ADGRL4: variants seen among roughly 807,000 people sequenced by gnomAD.
ADGRL4 encodes EGF, latrophilin and seven transmembrane domain containing 1.
A neutral mutation model predicts 74.8 loss-of-function variants in ADGRL4; 90 were observed. The ratio of observed to expected loss-of-function variants is 1.20; its 90% CI spans 1.02 to 1.43. The LOEUF (loss-of-function observed/expected upper bound fraction) is 1.43, where lower values mean the gene tolerates loss of function less well. Among genes scored for constraint, ADGRL4 ranks in the 40% most tolerant of loss-of-function variants. The probability of loss-of-function intolerance (pLI) is 0.00; values close to 1 mark genes in which losing one functional copy is unlikely to be tolerated. For missense variants in ADGRL4, 881 were observed against 814.3 expected, an observed-to-expected ratio of 1.08 and a Z score of -1.00; for synonymous variants, 311 against 279.2, an observed-to-expected ratio of 1.11 and a Z score of -1.14.
chr1:78,985,742 T>G (rs541170253), intron 2 of ADGRL4, among the ~76,000 whole-genome samples: 79 of 151,776 alleles, frequency 5.2e-4, no homozygotes, highest in Non-Finnish European at 9.4e-4. Flanking sequence ...CATAGCACTA[T>G]TCACAACAAT....
intron 2 of ADGRL4, among the ~76,000 whole-genome samples, chr1:79,003,137 G>A (rs1650877638): frequency 2.0e-5 from 3 of 152,036 alleles, no homozygotes; most frequent in Admixed American, 1.3e-4. Context: ...GATAGGAAAG[G>A]TGAGGAATCT....
intron 2 of ADGRL4, among the ~76,000 whole-genome samples, chr1:78,960,745 C>T (rs954074148): frequency 4.6e-5 from 7 of 152,076 alleles, no homozygotes; most frequent in African/African-American, 1.7e-4. Context: ...AGTGCCCTTA[C>T]AAAAGAGGCT....
At chr1:78,960,862 T>C (rs1649937711) in intron 2 of ADGRL4, among the ~76,000 whole-genome samples, 2 of 152,208 alleles carry the variant, frequency 1.3e-5, no homozygotes, top group South Asian at 4.1e-4. Flanking sequence ...TCGTAGACTT[T>C]ACAGCTTCTG....
At chr1:78,919,040 C>A (rs1048924586) in intron 10 of ADGRL4, among the ~76,000 whole-genome samples, 1 of 151,808 alleles carries the variant, frequency 6.6e-6, no homozygotes, top group Non-Finnish European at 1.5e-5. Flanking sequence ...GTGGGAGATA[C>A]ATAAAATTGA....
chr1:78,987,285 T>C (rs953955368), intron 2 of ADGRL4, among the ~76,000 whole-genome samples: 16 of 151,844 alleles, frequency 1.1e-4, no homozygotes, highest in Non-Finnish European at 5.9e-5. Context: ...GGAAACGCAC[T>C]CCAAAGTGTG....
chr1:78,966,360 T>G (rs924533646), intron 2 of ADGRL4, among the ~76,000 whole-genome samples: 2 of 152,158 alleles, frequency 1.3e-5, no homozygotes, highest in Admixed American at 6.5e-5. Flanking sequence ...CTTCAAAGTG[T>G]CTGCAAACTT....
At chr1:78,987,453 C>T (rs1219626046) in intron 2 of ADGRL4, among the ~76,000 whole-genome samples, 1 of 151,586 alleles carries the variant, frequency 6.6e-6, no homozygotes, top group Non-Finnish European at 1.5e-5. Flanking sequence ...AAATAATTTT[C>T]ATGAATCAGG....
In ADGRL4 at chr1:78,973,033, G is replaced by A. The variant is rs112057437; in HGVS notation, c.173-26607C>T. Among the ~76,000 whole-genome samples the A allele has an allele frequency of 1.2e-4, 18 of 152,258 alleles. 1 individual carries two copies. The highest frequency in any genetic ancestry group is 4.3e-4 in the African/African-American group (18 of 41,552). ...GCCAGACAGGTGGTACCCTTAGGCTGTTAGCATTAGCATTTTCTCTCAAAT... is the reference window on the plus strand; with the variant it reads ...GCCAGACAGGTGGTACCCTTAGGCTATTAGCATTAGCATTTTCTCTCAAAT... On this transcript the variant is annotated intron_variant, in intron 2 of 14. Transcript: ENST00000370742.
At chr1:78,976,621 A>G (rs1425078856) in intron 2 of ADGRL4, among the ~76,000 whole-genome samples, 4 of 151,674 alleles carry the variant, frequency 2.6e-5, no homozygotes, top group Non-Finnish European at 5.9e-5. Context: ...TGTGTATGGA[A>G]AAACTTAAAA....
At chr1:78,899,238 C>A (rs944910722) in intron 12 of ADGRL4, among the ~76,000 whole-genome samples, 2 of 152,222 alleles carry the variant, frequency 1.3e-5, no homozygotes, top group Non-Finnish European at 2.9e-5. Flanking sequence ...TGGCCTAGGA[C>A]AGACCTGCTT....
chr1:78,964,843 T>C (rs1650021900), intron 2 of ADGRL4, among the ~76,000 whole-genome samples: 1 of 152,180 alleles, frequency 6.6e-6, no homozygotes, highest in Non-Finnish European at 1.5e-5. Context: ...GTTGTTTCTT[T>C]CAAACATCCA....
chr1:78,974,915 T>A (rs1168340630), intron 2 of ADGRL4, among the ~76,000 whole-genome samples: 1 of 152,174 alleles, frequency 6.6e-6, no homozygotes, highest in Non-Finnish European at 1.5e-5. Flanking sequence ...TAGAGAATAT[T>A]ATTTCCCTCT....
chr1:78,995,950 T>TG (rs1309503033), intron 2 of ADGRL4, among the ~76,000 whole-genome samples: 2 of 152,220 alleles, frequency 1.3e-5, no homozygotes, highest in African/African-American at 4.8e-5. Context: ...TTTGTAACGA[T>TG]GGGTTTTGGT....
At chr1:78,897,048 A>T (rs562304181) in intron 12 of ADGRL4, among the ~76,000 whole-genome samples, 2 of 152,198 alleles carry the variant, frequency 1.3e-5, no homozygotes, top group Non-Finnish European at 2.9e-5. Context: ...TATTAAAAAA[A>T]CTGAAACTCA....
intron 2 of ADGRL4, among the ~76,000 whole-genome samples, chr1:78,957,489 A>C (rs934088681): frequency 6.6e-6 from 1 of 152,210 alleles, no homozygotes; most frequent in Admixed American, 6.6e-5. Flanking sequence ...TGATACGGTG[A>C]AAGTTTTAGT....
chr1:78,937,122 T>C (rs1557504340), intron 6 of ADGRL4, among the ~76,000 whole-genome samples: 1 of 152,198 alleles, frequency 6.6e-6, no homozygotes, highest in Non-Finnish European at 1.5e-5. Flanking sequence ...ATTATGAACA[T>C]GCAAAGGATT....
chr1:78,908,689 CATT>C (rs1240222383), intron 12 of ADGRL4, among the ~76,000 whole-genome samples: 1 of 151,932 alleles, frequency 6.6e-6, no homozygotes, highest in Admixed American at 6.6e-5. Flanking sequence ...TTCATCATAT[CATT>C]ATGTAACATC....
intron 4 of ADGRL4, 111 bp from the exon 5 acceptor site, chr1:78,938,390 C>T (rs1389620847): frequency 9.6e-6 from 7 of 730,012 alleles, no homozygotes; most frequent in Non-Finnish European, 1.2e-5. Context: ...TTGGTCTACA[C>T]ATAAATAATA....
intron 8 of ADGRL4, among the ~76,000 whole-genome samples, chr1:78,923,395 G>A (rs1649042283): frequency 6.6e-6 from 1 of 151,952 alleles, no homozygotes; most frequent in South Asian, 2.1e-4. Context: ...ACTGCTTTTG[G>A]GTACTGACAT....
Sources: allele counts gnomAD v4.1 joint callset (sites outside exome capture counted in the v4.1 genomes callset), GRCh38; gene constraint gnomAD v4.1.1; transcripts MANE v1.5; gene names NCBI Gene and HGNC (gene_info 2026-07-23, HGNC 2026-07-21).